Variants in GRAMD1C observed in about 807,000 individuals in gnomAD.
The protein encoded by GRAMD1C is GRAM domain containing 1C.
A neutral mutation model predicts 97.8 loss-of-function variants in GRAMD1C; 89 were observed. That is an observed-to-expected ratio of 0.91 (90% CI 0.77 to 1.09). The LOEUF (loss-of-function observed/expected upper bound fraction) is 1.09, where lower values mean the gene tolerates loss of function less well. Among genes scored for constraint, GRAMD1C ranks in the 50% least tolerant of loss-of-function variants. GRAMD1C has a pLI of 0.00. For missense variants in GRAMD1C, 740 were observed against 766.4 expected (o/e 0.97, Z 0.41); for synonymous variants, 256 against 267.0 (o/e 0.96, Z 0.40).
chr3:113,849,770 C>G (rs1933786381), intron 2 of GRAMD1C, among the ~76,000 whole-genome samples: 1 of 152,352 alleles, frequency 6.6e-6, no homozygotes, highest in African/African-American at 2.4e-5. Flanking sequence ...CACAAAACCG[C>G]CATTGTCATG....
At chr3:113,885,757 G>GGA in intron 6 of GRAMD1C, 1 of 1,586,924 alleles carries the variant, frequency 6.3e-7, no homozygotes, top group Admixed American at 1.7e-5. Flanking sequence ...ATCCTTAAGA[G>GGA]GAGATATTAC....
In GRAMD1C at chr3:113,852,496, C is replaced by T. The variant is rs115326470; in HGVS notation, c.174+7847C>T. On this transcript the variant is annotated intron_variant, in intron 2 of 17. Transcript: ENST00000358160. Reference sequence around the variant, plus strand: ...CACTTCTGGCAATACAAGAAGGGGACGATTTAAATGCTCTTCTGCTAAGGG... The same window carrying T: ...CACTTCTGGCAATACAAGAAGGGGATGATTTAAATGCTCTTCTGCTAAGGG... 6.8e-3 allele frequency among the ~76,000 whole-genome samples: 1,036 copies of T among 151,946 alleles called. 5 individuals carry two copies. The highest frequency in any genetic ancestry group is 0.024 in the African/African-American group (978 of 41,386).
chr3:113,928,942 A>ACTGT (rs201762395), intron 10 of GRAMD1C, among the ~76,000 whole-genome samples: 1,724 of 149,356 alleles, frequency 0.012, 34 homozygotes, highest in African/African-American at 0.039. Context: ...TTGACATACA[A>ACTGT]CTGTCTGTTC....
Position 113,909,054 on chromosome 3 carries a change from C to G in GRAMD1C, c.886C>G (p.Leu296Val), listed in dbSNP as rs1482939386. 6.4e-7 allele frequency: 1 copy of G among 1,566,556 alleles called. No individual in the cohort carries two copies. The highest frequency in any genetic ancestry group is 1.2e-5 in the South Asian group (1 of 83,940). The change falls in exon 9 of 18, where the codon CTG (leucine) becomes GTG (valine). Residue 296 changes from leucine to valine, a missense_variant. Transcript: ENST00000358160. ...KKLTRVPSKS[L>V]DLNKNEYLSL... ...GTTAACTAGAGTGCCATCAAAGTCACTGGACTTGAATAAAAATGAATATCT... is the reference window on the plus strand; with the variant it reads ...GTTAACTAGAGTGCCATCAAAGTCAGTGGACTTGAATAAAAATGAATATCT...
At chr3:113,907,290 C>T (rs1936405024) in intron 8 of GRAMD1C, among the ~76,000 whole-genome samples, 1 of 152,168 alleles carries the variant, frequency 6.6e-6, no homozygotes, top group South Asian at 2.1e-4. Context: ...ATGTGGAAGG[C>T]CAGCATGTTA....
At chr3:113,858,253 G>A (rs1459340297) in intron 2 of GRAMD1C, among the ~76,000 whole-genome samples, 3 of 150,764 alleles carry the variant, frequency 2.0e-5, no homozygotes, top group African/African-American at 7.3e-5. Flanking sequence ...TTGTTCTTGA[G>A]ACAGAGTCTC....
chr3:113,925,150 A>G (rs764140143), intron 10 of GRAMD1C, among the ~76,000 whole-genome samples: 23 of 152,174 alleles, frequency 1.5e-4, no homozygotes, highest in Non-Finnish European at 3.2e-4. Context: ...ACCCCTTTAC[A>G]TTGAGCCTAT....
At chr3:113,914,452 A>G (rs1936726417) in intron 9 of GRAMD1C, among the ~76,000 whole-genome samples, 1 of 152,168 alleles carries the variant, frequency 6.6e-6, no homozygotes. Context: ...TGATCCATAG[A>G]CTATTGCCCT....
chr3:113,913,273 C>A, intron 9 of GRAMD1C: 1 of 382,062 alleles, frequency 2.6e-6, no homozygotes, highest in Non-Finnish European at 5.0e-6. Flanking sequence ...GCTTGTAATC[C>A]CAGCACTTTG....
At chr3:113,894,194 A>G (rs1559799521) in intron 6 of GRAMD1C, among the ~76,000 whole-genome samples, 1 of 152,210 alleles carries the variant, frequency 6.6e-6, no homozygotes, top group Non-Finnish European at 1.5e-5. Context: ...ATTATTTCAT[A>G]TTCCTACTGA....
chr3:113,838,878 G>C lies in GRAMD1C; in HGVS notation c.-32G>C, dbSNP rs1709692039. 2.4e-6 allele frequency: 3 copies of C among 1,229,274 alleles called. No homozygotes were observed. In the South Asian group the frequency reaches 1.2e-4, roughly 50 times the overall value. The allele number at this position is 1,229,274 out of a possible 1,614,324, so 76.1% of individuals were successfully genotyped here. A position where few individuals can be genotyped will look rare whatever the true frequency, so the allele number is the denominator to read the frequency against. On this transcript the variant is annotated 5_prime_UTR_variant, in exon 1 of 18. Coordinates refer to ENST00000358160, the MANE Select transcript of GRAMD1C (RefSeq NM_017577.5). Reference sequence around the variant, plus strand: ...CGGGGCGGTGCGGTGCGGTGCGCGCGGGGCGGTGCCGCGGCGGCGGAGGGA... The same window carrying C: ...CGGGGCGGTGCGGTGCGGTGCGCGCCGGGCGGTGCCGCGGCGGCGGAGGGA...
chr3:113,884,900 C>G (rs1935396775), intron 6 of GRAMD1C, among the ~76,000 whole-genome samples: 2 of 141,760 alleles, frequency 1.4e-5, no homozygotes, highest in Admixed American at 7.0e-5. Flanking sequence ...GCTTTCCCCC[C>G]CTTCCCCTCC....
intron 6 of GRAMD1C, among the ~76,000 whole-genome samples, chr3:113,890,275 C>G (rs1935665806): frequency 6.6e-6 from 1 of 152,166 alleles, no homozygotes; most frequent in Non-Finnish European, 1.5e-5. Flanking sequence ...TTGGAAGCCC[C>G]AAGTCCAAGC....
At chr3:113,852,708 G>T (rs997745433) in intron 2 of GRAMD1C, among the ~76,000 whole-genome samples, 1 of 152,180 alleles carries the variant, frequency 6.6e-6, no homozygotes, top group Admixed American at 6.5e-5. Flanking sequence ...AGCTTTAATG[G>T]CTATGCTGTG....
chr3:113,843,049 GTTTTTTTTTTTTTT>G (rs71144092), intron 1 of GRAMD1C, among the ~76,000 whole-genome samples: 1 of 53,402 alleles, frequency 1.9e-5, no homozygotes, highest in African/African-American at 7.0e-5. Context: ...ACCATAAGCT[GTTTTTTTTTTTTTT>G]TTTTTTTTTT....
intron 12 of GRAMD1C, 90 bp downstream of exon 12, chr3:113,933,743 A>T: frequency 1.1e-6 from 1 of 890,674 alleles, no homozygotes; most frequent in Non-Finnish European, 1.8e-6. Context: ...GCTTTACACA[A>T]CAGTTTTATT....
chr3:113,888,485 T>C (rs913965603), intron 6 of GRAMD1C, among the ~76,000 whole-genome samples: 11 of 151,946 alleles, frequency 7.2e-5, no homozygotes, highest in Admixed American at 4.6e-4. Context: ...AGATCTTAAG[T>C]TTTTTCACCA....
intron 10 of GRAMD1C, 64 bp downstream of exon 10, chr3:113,915,902 A>G: frequency 7.9e-7 from 1 of 1,258,560 alleles, no homozygotes; most frequent in Non-Finnish European, 1.2e-6. Context: ...TAGAATATTG[A>G]GCATATATAA....
intron 10 of GRAMD1C, chr3:113,920,322 C>T: frequency 2.6e-6 from 1 of 386,424 alleles, no homozygotes. Flanking sequence ...ATATATTAGT[C>T]TTCCTTTATC....
Sources: gnomAD v4.1 joint callset for allele counts (sites outside exome capture counted in the v4.1 genomes callset) on GRCh38, gnomAD v4.1.1 for gene constraint, MANE v1.5 for transcripts, NCBI Gene and HGNC (gene_info 2026-07-23, HGNC 2026-07-21) for gene names.